Variants in RABGAP1L observed in about 807,000 individuals in gnomAD.
RABGAP1L encodes the protein RAB GTPase activating protein 1 like, also known as rab GTPase-activating protein 1-like.
Under a neutral mutation model 137.7 loss-of-function variants are expected in RABGAP1L, and 63 were observed. The observed-to-expected ratio is 0.46, with a 90% CI of 0.37 to 0.56. The LOEUF (loss-of-function observed/expected upper bound fraction) is 0.56, where lower values mean the gene tolerates loss of function less well. Ranked by LOEUF, RABGAP1L falls within the 20% of genes least tolerant of loss-of-function variation. The pLI, the probability that RABGAP1L is intolerant of heterozygous loss-of-function variation, is 0.00. For missense variants in RABGAP1L, 1,095 were observed against 1,244.0 expected (o/e 0.88, Z 1.80); for synonymous variants, 431 against 433.7 (o/e 0.99, Z 0.08).
chr1:174,224,919 G>A (rs1344772448), intron 3 of RABGAP1L, among the ~76,000 whole-genome samples: 1 of 151,336 alleles, frequency 6.6e-6, no homozygotes, highest in Non-Finnish European at 1.5e-5. Flanking sequence ...ATCTGTGTGT[G>A]GTTTTCTTTG....
chr1:174,650,639 T>C (rs1186064612), intron 14 of RABGAP1L, among the ~76,000 whole-genome samples: 1 of 151,984 alleles, frequency 6.6e-6, no homozygotes, highest in Non-Finnish European at 1.5e-5. Flanking sequence ...TTTGTAGTAT[T>C]CTCTGATGGT....
intron 17 of RABGAP1L, among the ~76,000 whole-genome samples, chr1:174,719,970 A>G (rs1000120064): frequency 6.6e-6 from 1 of 152,166 alleles, no homozygotes; most frequent in African/African-American, 2.4e-5. Context: ...CTAGAAGCAT[A>G]AGACAGTATT....
rs143982519 is a variant in RABGAP1L at position 174,893,870 on chromosome 1, C to A, written c.2341-63587C>A. Among the ~76,000 whole-genome samples the A allele has an allele frequency of 3.4e-3, 521 of 152,300 alleles. 3 individuals are homozygous for A. Among genetic ancestry groups the A allele is most frequent in the African/African-American group, 0.012 (501 of 41,564 alleles). On this transcript the variant is annotated intron_variant, in intron 19 of 25. Coordinates refer to ENST00000681986, the MANE Select transcript of RABGAP1L (RefSeq NM_001366446.1). ...TGTGACAAATCCTTCCCAGACTGTT[C>A]TTTGAGTATACAAATTAATATCTCC... is the stretch of plus-strand genomic sequence containing the variant.
intron 11 of RABGAP1L, among the ~76,000 whole-genome samples, chr1:174,322,943 A>G (rs1426187913): frequency 6.6e-6 from 1 of 152,210 alleles, no homozygotes; most frequent in Non-Finnish European, 1.5e-5. Flanking sequence ...ACTTGAAAAC[A>G]AGATTTCAGG....
chr1:174,182,415 C>A (rs1299021025), intron 1 of RABGAP1L, among the ~76,000 whole-genome samples: 2 of 152,116 alleles, frequency 1.3e-5, no homozygotes, highest in Admixed American at 1.3e-4. Context: ...CCCTTCAATT[C>A]CTAGAAGACG....
At chr1:174,386,087 A>G (rs1005851238) in intron 12 of RABGAP1L, among the ~76,000 whole-genome samples, 2 of 152,202 alleles carry the variant, frequency 1.3e-5, no homozygotes, top group Non-Finnish European at 2.9e-5. Flanking sequence ...AAAGATGTAT[A>G]TGTTGACTAG....
intron 13 of RABGAP1L, among the ~76,000 whole-genome samples, chr1:174,475,772 TA>T (rs61597461): frequency 0.28 from 19,432 of 69,588 alleles, 2,575 homozygotes; most frequent in Middle Eastern, 0.47. Context: ...CCCCGTGTCT[TA>T]AAAAAAAAAA....
intron 13 of RABGAP1L, among the ~76,000 whole-genome samples, chr1:174,626,019 G>A (rs923473528): frequency 2.6e-5 from 4 of 152,090 alleles, no homozygotes; most frequent in Admixed American, 1.3e-4. Context: ...TTATAACTTC[G>A]GAAAGTAACA....
At chr1:174,422,290 G>A (rs1184737532) in intron 13 of RABGAP1L, among the ~76,000 whole-genome samples, 1 of 151,966 alleles carries the variant, frequency 6.6e-6, no homozygotes, top group Non-Finnish European at 1.5e-5. Context: ...AAACAAACCA[G>A]AAAATCTTCT....
chr1:174,521,016 A>C (rs1028048614), intron 13 of RABGAP1L, among the ~76,000 whole-genome samples: 1 of 152,212 alleles, frequency 6.6e-6, no homozygotes, highest in Non-Finnish European at 1.5e-5. Flanking sequence ...ACAGTGTTTT[A>C]GTTTCAAGAA....
chr1:174,874,184 A>C (rs904486989), intron 19 of RABGAP1L, among the ~76,000 whole-genome samples: 1 of 152,052 alleles, frequency 6.6e-6, no homozygotes. Flanking sequence ...TTATAAACCT[A>C]ATAAACCTAT....
intron 13 of RABGAP1L, among the ~76,000 whole-genome samples, chr1:174,420,537 G>C (rs1268639359): frequency 2.0e-5 from 3 of 152,046 alleles, no homozygotes; most frequent in Non-Finnish European, 4.4e-5. Context: ...CTTTTTAAAT[G>C]ACATTCATCA....
intron 14 of RABGAP1L, among the ~76,000 whole-genome samples, chr1:174,656,101 C>G (rs905687485): frequency 6.6e-6 from 1 of 151,552 alleles, no homozygotes; most frequent in Non-Finnish European, 1.5e-5. Context: ...TGCATACAAA[C>G]ATGTATTTAT....
At chr1:174,543,422 C>CT (rs376637171) in intron 13 of RABGAP1L, among the ~76,000 whole-genome samples, 16,183 of 151,892 alleles carry the variant, frequency 0.11, 1,173 homozygotes, top group Non-Finnish European at 0.16. Flanking sequence ...GCAACCCCTG[C>CT]TTTTTTTTGT....
intron 19 of RABGAP1L, among the ~76,000 whole-genome samples, chr1:174,835,889 C>T (rs374679091): frequency 6.6e-5 from 10 of 152,100 alleles, no homozygotes; most frequent in Admixed American, 6.5e-5. Context: ...TGCTGTCTAT[C>T]CCTTGTGTCA....
At chr1:174,428,831 C>T (rs1228883204) in intron 13 of RABGAP1L, among the ~76,000 whole-genome samples, 1 of 152,188 alleles carries the variant, frequency 6.6e-6, no homozygotes, top group African/African-American at 2.4e-5. Flanking sequence ...ACTCTTAACT[C>T]TCATGACCAT....
At chr1:174,936,971 A>ATTTTTTTTTTTTTT (rs909397955) in intron 19 of RABGAP1L, among the ~76,000 whole-genome samples, 7 of 101,520 alleles carry the variant, frequency 6.9e-5, no homozygotes, top group African/African-American at 2.6e-4. Context: ...TATAAGATTA[A>ATTTTTTTTTTTTTT]TTTTTTTTTT....
intron 1 of RABGAP1L, among the ~76,000 whole-genome samples, chr1:174,174,363 G>C (rs912981375): frequency 2.0e-5 from 3 of 152,122 alleles, no homozygotes; most frequent in Admixed American, 2.0e-4. Flanking sequence ...TTACCAAGAA[G>C]ACATGAAATA....
rs540688700 is a variant in RABGAP1L at position 174,213,288 on chromosome 1, G to A, written c.-33-5837G>A. On this transcript the variant is annotated intron_variant, in intron 1 of 25. Coordinates refer to ENST00000681986, the MANE Select transcript of RABGAP1L (RefSeq NM_001366446.1). ...AAAAATACAAAAATTAACTGGGCAC[G>A]GTGGTGCATGCCTGTAGTCCTAGCT... 7.9e-5 allele frequency among the ~76,000 whole-genome samples: 12 copies of A among 152,232 alleles called. No homozygotes were observed. In the South Asian group the frequency reaches 1.5e-3, roughly 18 times the overall value.
Sources: allele counts gnomAD v4.1 joint callset (sites outside exome capture counted in the v4.1 genomes callset), GRCh38; gene constraint gnomAD v4.1.1; transcripts MANE v1.5; gene names NCBI Gene and HGNC (gene_info 2026-07-23, HGNC 2026-07-21).